The following DAGLA variants were observed in gnomAD, a reference collection of about 807,000 sequenced individuals.
DAGLA encodes the protein diacylglycerol lipase-alpha.
DAGLA carries 22 observed loss-of-function variants against 102.6 expected under a neutral mutation model. That is an observed-to-expected ratio of 0.21 (90% CI 0.15 to 0.31). The LOEUF is 0.31. Ranked by LOEUF, DAGLA falls within the 10% of genes least tolerant of loss-of-function variation. The pLI is 1.00. For synonymous variants in DAGLA, 578 were observed against 628.9 expected (o/e 0.92, Z 1.21); for missense variants, 927 against 1,446.6 (o/e 0.64, Z 5.83).
intron 1 of DAGLA, among the ~76,000 whole-genome samples, chr11:61,712,154 G>A (rs1565253260): frequency 6.6e-6 from 1 of 152,198 alleles, no homozygotes; most frequent in Non-Finnish European, 1.5e-5. Context: ...TTATAGGGGA[G>A]GGGTCTCTGG....
intron 1 of DAGLA, among the ~76,000 whole-genome samples, chr11:61,700,681 A>G (rs1275700407): frequency 6.6e-6 from 1 of 152,182 alleles, no homozygotes; most frequent in South Asian, 2.1e-4. Flanking sequence ...TGCATTAGCC[A>G]GGCAAGGAGC....
At chr11:61,737,372 G>A in intron 14 of DAGLA, 48 bp downstream of exon 14, 1 of 1,602,760 alleles carries the variant, frequency 6.2e-7, no homozygotes, top group East Asian at 2.2e-5. Flanking sequence ...TGGGACCAGT[G>A]GAGGCTGAGG....
intron 1 of DAGLA, among the ~76,000 whole-genome samples, chr11:61,683,904 A>G (rs1007909856): frequency 6.6e-6 from 1 of 152,156 alleles, no homozygotes; most frequent in African/African-American, 2.4e-5. Flanking sequence ...TGGAGCTACA[A>G]TATTTCAACT....
intron 1 of DAGLA, among the ~76,000 whole-genome samples, chr11:61,695,030 C>T (rs1462599869): frequency 6.6e-6 from 1 of 152,198 alleles, no homozygotes; most frequent in Non-Finnish European, 1.5e-5. Flanking sequence ...AGCAGCCCCA[C>T]GGGCCCTCTC....
intron 1 of DAGLA, among the ~76,000 whole-genome samples, chr11:61,715,926 C>G (rs142201998): frequency 6.6e-6 from 1 of 152,328 alleles, no homozygotes; most frequent in East Asian, 1.9e-4. Flanking sequence ...GGTCCCAGAA[C>G]AGTTCATCTA....
At chr11:61,711,298 C>T (rs1015164217) in intron 1 of DAGLA, among the ~76,000 whole-genome samples, 18 of 152,326 alleles carry the variant, frequency 1.2e-4, no homozygotes, top group Admixed American at 3.3e-4. Context: ...CAGCAGAACC[C>T]GCCTGTCTGG....
At chr11:61,743,349 C>T (rs1350409312) in intron 19 of DAGLA, among the ~76,000 whole-genome samples, 183 bp from the exon 20 acceptor site, 12 of 142,914 alleles carry the variant, frequency 8.4e-5, no homozygotes, top group Admixed American at 2.9e-4. Flanking sequence ...GGCGACAGAG[C>T]GAGACTCTGT....
chr11:61,688,651 G>C (rs190029269), intron 1 of DAGLA, among the ~76,000 whole-genome samples: 36 of 152,296 alleles, frequency 2.4e-4, no homozygotes, highest in Admixed American at 5.2e-4. Flanking sequence ...GGGGGCCCGT[G>C]GGGGGTTCTG....
Position 61,709,208 on chromosome 11 carries a change from CTTTG to C in DAGLA, c.-44-10880_-44-10877del, listed in dbSNP as rs537769791. Among the ~76,000 whole-genome samples, 318 of 152,214 alleles carry C rather than the reference CTTTG, an allele frequency of 2.1e-3. 6 individuals are homozygous for C. In the South Asian group the frequency reaches 0.032, roughly 15 times the overall value. On this transcript the variant is annotated intron_variant, in intron 1 of 19. Transcript: ENST00000257215. ...CATATCCTGCTTAGTGGCTTTCAAA[CTTTG>C]TTTGTTTGTTTGTTTGTTTGTTTTT...
In DAGLA at chr11:61,734,388, G is replaced by T. The variant is rs955368093; in HGVS notation, c.975-461G>T. Among the ~76,000 whole-genome samples, 17 of 152,056 alleles carry T rather than the reference G, an allele frequency of 1.1e-4. No individual in the cohort carries two copies. The highest frequency in any genetic ancestry group is 4.1e-4 in the African/African-American group (17 of 41,402). On this transcript the variant is annotated intron_variant, in intron 9 of 19. Coordinates refer to ENST00000257215, the MANE Select transcript of DAGLA (RefSeq NM_006133.3). This position sits in a 1 kb window ranked among gnomAD's most constrained non-coding sequence, Gnocchi z 4.2. ...GGTTTGAGAGCTGGCAGGGTGTCAGGTGTCCGAGAGAGGTGCTGGCTAGGC... is the reference window on the plus strand; with the variant it reads ...GGTTTGAGAGCTGGCAGGGTGTCAGTTGTCCGAGAGAGGTGCTGGCTAGGC...
At position 61,741,373 on chromosome 11, in the gene DAGLA, C is replaced by T. The variant is rs755332131; in HGVS notation, c.2171+24C>T. 1.1e-5 allele frequency: 17 copies of T among 1,595,656 alleles called. No homozygotes were observed. In the East Asian group the frequency reaches 3.8e-4, roughly 36 times the overall value. On this transcript the variant is annotated intron_variant, in intron 19 of 19. Coordinates refer to ENST00000257215, the MANE Select transcript of DAGLA (RefSeq NM_006133.3). ...AGGTGAGCCTTGGCCACTCCCAGCC[C>T]CACCCCAGGGTGAGTGTGGTTCAGA...
intron 1 of DAGLA, among the ~76,000 whole-genome samples, chr11:61,703,582 G>T (rs1204148657): frequency 6.6e-6 from 1 of 152,242 alleles, no homozygotes; most frequent in Non-Finnish European, 1.5e-5. Context: ...CAGGCCACAG[G>T]GCTGGCAGGC....
chr11:61,738,487 G>A (rs538559673), intron 16 of DAGLA, among the ~76,000 whole-genome samples: 125 of 152,316 alleles, frequency 8.2e-4, no homozygotes, highest in Non-Finnish European at 1.1e-3. Context: ...GACAGGAACC[G>A]AGAGGCTCCC....
chr11:61,737,619 C>A (rs957882820), intron 14 of DAGLA, 68 bp from the exon 15 acceptor site: 2 of 1,411,144 alleles, frequency 1.4e-6, no homozygotes, highest in Non-Finnish European at 9.9e-7. Context: ...TGTGGCTGGG[C>A]CCCCCGATTC....
intron 7 of DAGLA, among the ~76,000 whole-genome samples, chr11:61,728,503 A>G (rs2065349751): frequency 6.6e-6 from 1 of 152,020 alleles, no homozygotes; most frequent in Non-Finnish European, 1.5e-5. Context: ...TACTCTAGGG[A>G]CTTTCTGGGT....
intron 1 of DAGLA, among the ~76,000 whole-genome samples, chr11:61,711,080 C>G (rs989298341): frequency 6.6e-6 from 1 of 152,136 alleles, no homozygotes; most frequent in Non-Finnish European, 1.5e-5. Flanking sequence ...GAGTCGCGTT[C>G]CCGGGAGAGT....
chr11:61,704,634 G>T (rs2065135105), intron 1 of DAGLA, among the ~76,000 whole-genome samples: 1 of 152,098 alleles, frequency 6.6e-6, no homozygotes, highest in Non-Finnish European at 1.5e-5. Context: ...GGAGAGTAAG[G>T]GATAGAGACA....
chr11:61,706,830 G>C (rs954118805), intron 1 of DAGLA, among the ~76,000 whole-genome samples: 1 of 152,234 alleles, frequency 6.6e-6, no homozygotes, highest in African/African-American at 2.4e-5. Context: ...AGGAGACGAG[G>C]TGCCACTTTC....
chr11:61,724,465 G>A (rs912043160), intron 5 of DAGLA, among the ~76,000 whole-genome samples: 2 of 152,170 alleles, frequency 1.3e-5, no homozygotes, highest in African/African-American at 2.4e-5. Context: ...GTCACCTGCC[G>A]TGGGTCTTGC....
Sources: gnomAD v4.1 joint callset for allele counts (sites outside exome capture counted in the v4.1 genomes callset) on GRCh38, gnomAD v4.1.1 for gene constraint, Gnocchi (gnomAD v3.1) non-coding constraint, MANE v1.5 for transcripts, NCBI Gene and HGNC (gene_info 2026-07-23, HGNC 2026-07-21) for gene names.